The following CACNA1S variants were observed in gnomAD, a reference collection of about 807,000 sequenced individuals.
The protein encoded by CACNA1S is calcium voltage-gated channel subunit alpha1 S, also known as voltage-dependent L-type calcium channel subunit alpha-1S.
CACNA1S carries 126 observed loss-of-function variants against 207.4 expected under a neutral mutation model. That is an observed-to-expected ratio of 0.61 (90% CI 0.53 to 0.70). The LOEUF (loss-of-function observed/expected upper bound fraction) is 0.70, where lower values mean the gene tolerates loss of function less well. Ranked by LOEUF, CACNA1S falls within the 30% of genes least tolerant of loss-of-function variation. The probability of loss-of-function intolerance (pLI) is 0.00; values close to 1 mark genes in which losing one functional copy is unlikely to be tolerated. For synonymous variants in CACNA1S, 960 were observed against 932.7 expected (o/e 1.03, Z -0.53); for missense variants, 2,349 against 2,422.8 (o/e 0.97, Z 0.64).
chr1:201,040,998 G>A (rs576923024), intron 41 of CACNA1S, among the ~76,000 whole-genome samples: 1 of 152,330 alleles, frequency 6.6e-6, no homozygotes, highest in African/African-American at 2.4e-5. Flanking sequence ...GTCCCTGGGT[G>A]TGTGCACATT....
chr1:201,060,461 C>T (rs1661002528), intron 26 of CACNA1S, among the ~76,000 whole-genome samples, 197 bp downstream of exon 26: 1 of 152,184 alleles, frequency 6.6e-6, no homozygotes, highest in South Asian at 2.1e-4. Context: ...GCTTGAATTA[C>T]CTCCTTAATA....
Sources: gnomAD v4.1 joint callset for allele counts (sites outside exome capture counted in the v4.1 genomes callset) on GRCh38, gnomAD v4.1.1 for gene constraint, MANE v1.5 for transcripts, NCBI Gene and HGNC (gene_info 2026-07-23, HGNC 2026-07-21) for gene names.